Variants in PIBF1 observed in about 807,000 individuals in gnomAD.
The protein encoded by PIBF1 is progesterone-induced-blocking factor 1.
Under a neutral mutation model 112.5 loss-of-function variants are expected in PIBF1, and 90 were observed. That is an observed-to-expected ratio of 0.80 (90% CI 0.67 to 0.95). PIBF1 has a LOEUF of 0.95. Among genes scored for constraint, PIBF1 ranks in the 40% least tolerant of loss-of-function variants. The pLI, the probability that PIBF1 is intolerant of heterozygous loss-of-function variation, is 0.00. For missense variants in PIBF1, 915 were observed against 852.3 expected, an observed-to-expected ratio of 1.07 and a Z score of -0.92; for synonymous variants, 301 against 288.6, an observed-to-expected ratio of 1.04 and a Z score of -0.44.
At chr13:72,878,764 T>A (rs949449732) in intron 10 of PIBF1, among the ~76,000 whole-genome samples, 6 of 152,170 alleles carry the variant, frequency 3.9e-5, no homozygotes, top group Non-Finnish European at 8.8e-5. Flanking sequence ...TATTTCTTCT[T>A]GCAGTTCTAT....
At chr13:72,795,215 T>A in intron 3 of PIBF1, 144 bp from the exon 4 acceptor site, 2 of 608,752 alleles carry the variant, frequency 3.3e-6, no homozygotes, top group East Asian at 5.9e-5. Context: ...TTAATATGAG[T>A]AAATAAGTAT....
At chr13:72,784,275 TAAAA>T (rs5804646) in intron 2 of PIBF1, among the ~76,000 whole-genome samples, 2 of 123,972 alleles carry the variant, frequency 1.6e-5, no homozygotes, top group South Asian at 2.8e-4. Flanking sequence ...CAGCTCTACT[TAAAA>T]AAAAAAAAAA....
At position 72,893,803 on chromosome 13, in the gene PIBF1, A is replaced by G. The variant is rs377638323; in HGVS notation, c.1342A>G (p.Ser448Gly). 8 of 1,597,880 alleles carry G rather than the reference A, an allele frequency of 5.0e-6. No individual in the cohort carries two copies. The highest frequency in any genetic ancestry group is 2.7e-5 in the African/African-American group (2 of 74,126). ...LLDRYRELQLSTESKVTEFLH... is the reference protein window; with the variant it reads ...LLDRYRELQLGTESKVTEFLH... ...TTTCAGGTACAGAGAACTACAACTTAGTACAGAAAGCAAAGTAACAGAATT... is the reference window on the plus strand; with the variant it reads ...TTTCAGGTACAGAGAACTACAACTTGGTACAGAAAGCAAAGTAACAGAATT... The change falls in exon 11 of 18, where the codon AGT (serine) becomes GGT (glycine). Residue 448 changes from serine to glycine, a missense_variant. Coordinates refer to ENST00000326291, the MANE Select transcript of PIBF1 (RefSeq NM_006346.4).
At chr13:72,913,049 G>C (rs2040949293) in intron 12 of PIBF1, among the ~76,000 whole-genome samples, 1 of 151,350 alleles carries the variant, frequency 6.6e-6, no homozygotes, top group African/African-American at 2.4e-5. Flanking sequence ...ATCAAGGGGT[G>C]GGGGTAAAAA....
intron 9 of PIBF1, among the ~76,000 whole-genome samples, chr13:72,847,580 T>C (rs571164266): frequency 6.6e-6 from 1 of 152,268 alleles, no homozygotes; most frequent in African/African-American, 2.4e-5. Context: ...TCAACATGAG[T>C]TTTGGAGGAC....
intron 16 of PIBF1, among the ~76,000 whole-genome samples, chr13:72,995,020 G>A (rs575083025): frequency 1.1e-4 from 16 of 152,134 alleles, no homozygotes; most frequent in African/African-American, 3.1e-4. Flanking sequence ...AGGTTCTTGC[G>A]GACAGGTGCG....
intron 12 of PIBF1, among the ~76,000 whole-genome samples, chr13:72,913,799 G>A (rs1310322499): frequency 6.6e-6 from 1 of 151,772 alleles, no homozygotes; most frequent in African/African-American, 2.4e-5. Context: ...GTATATGGAT[G>A]TATACTGTAC....
chr13:72,905,597 C>G (rs2040675211), intron 11 of PIBF1, among the ~76,000 whole-genome samples: 2 of 152,062 alleles, frequency 1.3e-5, no homozygotes, highest in African/African-American at 4.8e-5. Context: ...GTATTTAAAA[C>G]TTTTTTCCTA....
At chr13:72,841,254 A>G (rs771222254) in intron 9 of PIBF1, among the ~76,000 whole-genome samples, 19 of 152,218 alleles carry the variant, frequency 1.2e-4, no homozygotes, top group South Asian at 4.1e-4. Flanking sequence ...AAGGTACTAC[A>G]GTGCTGAGAT....
intron 10 of PIBF1, among the ~76,000 whole-genome samples, chr13:72,892,785 T>TATACAC (rs1555307841): frequency 7.1e-6 from 1 of 140,710 alleles, no homozygotes; most frequent in Non-Finnish European, 1.5e-5. Context: ...CCTCCTGCCT[T>TATACAC]ACACACACAC....
chr13:72,916,484 G>C (rs150744162), intron 12 of PIBF1, among the ~76,000 whole-genome samples: 126 of 151,384 alleles, frequency 8.3e-4, no homozygotes, highest in Admixed American at 1.6e-3. Context: ...ATGTTAACCT[G>C]TTAGTTAAAA....
chr13:72,897,557 C>T (rs1193452181), intron 11 of PIBF1, among the ~76,000 whole-genome samples: 7 of 152,194 alleles, frequency 4.6e-5, no homozygotes, highest in Non-Finnish European at 4.4e-5. Context: ...AACTAACCAT[C>T]TGCTGCCTTC....
At chr13:72,838,170 ATG>A (rs991282353) in intron 9 of PIBF1, among the ~76,000 whole-genome samples, 1 of 152,244 alleles carries the variant, frequency 6.6e-6, no homozygotes, top group Non-Finnish European at 1.5e-5. Context: ...ATTTATTGAA[ATG>A]TACCATTTGC....
At chr13:72,865,811 G>A (rs888012367) in intron 10 of PIBF1, among the ~76,000 whole-genome samples, 13 of 152,084 alleles carry the variant, frequency 8.5e-5, no homozygotes, top group Non-Finnish European at 1.3e-4. Flanking sequence ...AGCATAATAT[G>A]TGTGAAGTTG....
In PIBF1 at chr13:72,827,658, A is replaced by G. The variant is rs989632814; in HGVS notation, c.916-75A>G. ...ATGTGGTGAATGAAAACATGAAGGA[A>G]AGAAATTAATACAGTCAAGCTTGAA... On this transcript the variant is annotated intron_variant, in intron 7 of 17. Transcript: ENST00000326291. 1.3e-5 allele frequency: 12 copies of G among 893,288 alleles called. No homozygotes were observed. In the Admixed American group the frequency reaches 1.8e-4, roughly 13 times the overall value. 55.3% of individuals were successfully genotyped at this position (893,288 alleles called of 1,614,324 possible). A position where few individuals can be genotyped will look rare whatever the true frequency, so the allele number is the denominator to read the frequency against.
intron 10 of PIBF1, among the ~76,000 whole-genome samples, chr13:72,875,165 T>A (rs954419452): frequency 6.6e-6 from 1 of 152,194 alleles, no homozygotes; most frequent in Admixed American, 6.6e-5. Context: ...CAGTTTGTAG[T>A]CTTTTCATAC....
intron 17 of PIBF1, among the ~76,000 whole-genome samples, chr13:73,001,582 C>CTTTTTTGTTTTTTTTTTTTTTTTTTTT: frequency 3.4e-5 from 1 of 29,160 alleles, no homozygotes; most frequent in Non-Finnish European, 7.5e-5. Context: ...AAGAGCTTGA[C>CTTTTTTGTTTTTTTTTTTTTTTTTTTT]TTTTTTTTTT....
intron 12 of PIBF1, among the ~76,000 whole-genome samples, 157 bp downstream of exon 12, chr13:72,908,838 C>G (rs966874302): frequency 6.7e-6 from 1 of 149,688 alleles, no homozygotes; most frequent in Non-Finnish European, 1.5e-5. Flanking sequence ...CACTTGAGGT[C>G]AGGAGTTCGA....
At chr13:72,909,283 T>A (rs1270911838) in intron 12 of PIBF1, among the ~76,000 whole-genome samples, 3 of 152,052 alleles carry the variant, frequency 2.0e-5, no homozygotes, top group Non-Finnish European at 4.4e-5. Flanking sequence ...GGATTAGGAG[T>A]TCATGGAAAT....
Sources: gnomAD v4.1 joint callset for allele counts (sites outside exome capture counted in the v4.1 genomes callset) on GRCh38, gnomAD v4.1.1 for gene constraint, MANE v1.5 for transcripts, NCBI Gene and HGNC (gene_info 2026-07-23, HGNC 2026-07-21) for gene names.